The following TTC39C variants were observed in gnomAD, a reference collection of about 807,000 sequenced individuals.
The protein encoded by TTC39C is tetratricopeptide repeat protein 39C.
TTC39C carries 33 observed loss-of-function variants against 76.3 expected under a neutral mutation model. That is an observed-to-expected ratio of 0.43 (90% CI 0.33 to 0.58). TTC39C has a LOEUF of 0.58. Among genes scored for constraint, TTC39C ranks in the 20% least tolerant of loss-of-function variants. The probability of loss-of-function intolerance (pLI) is 0.04; values close to 1 mark genes in which losing one functional copy is unlikely to be tolerated. For synonymous variants in TTC39C, 254 were observed against 260.6 expected (o/e 0.97, Z 0.24); for missense variants, 595 against 701.4 (o/e 0.85, Z 1.71).
chr18:24,003,564 A>G (rs1000132237), intron 1 of TTC39C, among the ~76,000 whole-genome samples: 2 of 152,134 alleles, frequency 1.3e-5, no homozygotes, highest in African/African-American at 2.4e-5. Context: ...ATCATAAGTC[A>G]TATTGGATGA....
chr18:24,037,133 C>A (rs1327126843), intron 1 of TTC39C, among the ~76,000 whole-genome samples: 4 of 152,032 alleles, frequency 2.6e-5, no homozygotes, highest in African/African-American at 9.7e-5. Context: ...AGCTTTTGGT[C>A]TTTTACTATT....
chr18:24,060,313 GTTTTT>G (rs1294806136), intron 1 of TTC39C, among the ~76,000 whole-genome samples: 1 of 89,248 alleles, frequency 1.1e-5, no homozygotes, highest in Non-Finnish European at 2.1e-5. Context: ...TTGCGTTTCT[GTTTTT>G]TTTTTTTTTT....
chr18:24,097,624 C>A (rs1302119244), intron 6 of TTC39C, among the ~76,000 whole-genome samples: 3 of 152,168 alleles, frequency 2.0e-5, no homozygotes, highest in African/African-American at 7.2e-5. Context: ...TTAATATTTT[C>A]TTTGCAAATC....
intron 1 of TTC39C, among the ~76,000 whole-genome samples, chr18:24,062,564 G>T (rs1307500197): frequency 6.6e-6 from 1 of 152,164 alleles, no homozygotes; most frequent in Non-Finnish European, 1.5e-5. Context: ...TTTGATCTAG[G>T]TTCATGGGTG....
At chr18:23,999,591 T>G (rs1439994774) in intron 1 of TTC39C, among the ~76,000 whole-genome samples, 2 of 124,514 alleles carry the variant, frequency 1.6e-5, no homozygotes, top group African/African-American at 4.9e-5. Context: ...CTGCAAGTGC[T>G]GGGAACAGCC....
intron 1 of TTC39C, among the ~76,000 whole-genome samples, chr18:24,033,780 CAG>C (rs767687299): frequency 6.6e-6 from 1 of 152,216 alleles, no homozygotes; most frequent in Non-Finnish European, 1.5e-5. Context: ...TGACTTCTTT[CAG>C]AGTCTGTCTG....
At chr18:24,072,517 G>A (rs1380173387) in intron 4 of TTC39C, among the ~76,000 whole-genome samples, 5 of 152,128 alleles carry the variant, frequency 3.3e-5, no homozygotes, top group African/African-American at 1.2e-4. Flanking sequence ...GGCTGGTCTC[G>A]AACTCCTGCC....
chr18:24,046,107 T>C (rs999547747), intron 1 of TTC39C, among the ~76,000 whole-genome samples: 1 of 150,686 alleles, frequency 6.6e-6, no homozygotes. Flanking sequence ...CCCAGCTAAT[T>C]TTTTGTATTT....
At chr18:24,030,503 T>C (rs1367291404) in intron 1 of TTC39C, among the ~76,000 whole-genome samples, 1 of 152,220 alleles carries the variant, frequency 6.6e-6, no homozygotes, top group East Asian at 1.9e-4. Flanking sequence ...TACAAGTCTG[T>C]TGATCTTTGC....
intron 1 of TTC39C, among the ~76,000 whole-genome samples, chr18:24,033,492 G>A (rs780117040): frequency 6.6e-6 from 1 of 152,030 alleles, no homozygotes; most frequent in Non-Finnish European, 1.5e-5. Context: ...TCCCTTCCTG[G>A]AGAGGCTTTC....
chr18:24,123,264 C>T (rs2084997444), intron 8 of TTC39C, among the ~76,000 whole-genome samples: 1 of 152,162 alleles, frequency 6.6e-6, no homozygotes, highest in African/African-American at 2.4e-5. Flanking sequence ...AAACTGTCTC[C>T]CCAACAAGAG....
intron 1 of TTC39C, among the ~76,000 whole-genome samples, chr18:24,018,447 T>G (rs1220479365): frequency 3.3e-5 from 5 of 152,146 alleles, no homozygotes; most frequent in Non-Finnish European, 5.9e-5. Flanking sequence ...ACTCAGACCT[T>G]TAGTTGCTCA....
chr18:24,001,923 T>G (rs1381357242), intron 1 of TTC39C, among the ~76,000 whole-genome samples: 1 of 146,148 alleles, frequency 6.8e-6, no homozygotes, highest in Non-Finnish European at 1.5e-5. Context: ...CCTCCCGGGT[T>G]CACGCCATTC....
chr18:24,064,882 AG>A (rs145049000), intron 2 of TTC39C, among the ~76,000 whole-genome samples: 1,896 of 152,358 alleles, frequency 0.012, 43 homozygotes, highest in African/African-American at 0.044. Context: ...GTACCACGCC[AG>A]CTTCCAGTGA....
intron 1 of TTC39C, among the ~76,000 whole-genome samples, chr18:24,001,146 T>G (rs2083307950): frequency 6.6e-6 from 1 of 152,126 alleles, no homozygotes; most frequent in Non-Finnish European, 1.5e-5. Context: ...CAGCTTGGGG[T>G]CTTCTGGATA....
At chr18:24,066,830 T>C (rs1017949305) in intron 3 of TTC39C, among the ~76,000 whole-genome samples, 10 of 152,224 alleles carry the variant, frequency 6.6e-5, no homozygotes, top group African/African-American at 2.4e-4. Flanking sequence ...ATGGGCCAAG[T>C]GTCCCGCCTC....
intron 1 of TTC39C, among the ~76,000 whole-genome samples, chr18:24,037,573 A>G (rs926958253): frequency 2.6e-5 from 4 of 152,182 alleles, no homozygotes; most frequent in African/African-American, 7.2e-5. Flanking sequence ...TCTCAGATAG[A>G]CCATCTCACC....
Position 24,132,533 on chromosome 18 carries a change from C to T in TTC39C, c.1711C>T (p.His571Tyr), listed in dbSNP as rs774611464. The change falls in exon 14 of 14, where the codon CAT becomes TAT. Residue 571 changes from histidine to tyrosine, a missense_variant. Transcript: ENST00000317571. ...TGAAAACAGATTGCATGTCCGCATC[C>T]ATGCTGCTCTGGCCTCTCTGAGGGA... Reference protein sequence around the residue: ...DFENRLHVRIHAALASLRELV... With the variant: ...DFENRLHVRIYAALASLRELV... The T allele has an allele frequency of 6.2e-6, 10 of 1,614,098 alleles. No individual in the cohort carries two copies. The East Asian group carries it at 2.2e-4, about 36-fold the overall frequency.
At chr18:24,016,696 C>T in intron 1 of TTC39C, 1 of 398,504 alleles carries the variant, frequency 2.5e-6, no homozygotes, top group Non-Finnish European at 4.4e-6. Flanking sequence ...AAACTCTCTC[C>T]CAGCAACAGC....
Sources: allele counts gnomAD v4.1 joint callset (sites outside exome capture counted in the v4.1 genomes callset), GRCh38; gene constraint gnomAD v4.1.1; transcripts MANE v1.5; gene names NCBI Gene and HGNC (gene_info 2026-07-23, HGNC 2026-07-21).